CAMTA1: variants seen among roughly 807,000 people sequenced by gnomAD.
CAMTA1 encodes the protein calmodulin binding transcription activator 1, also known as calmodulin-binding transcription activator 1.
Under a neutral mutation model 170.9 loss-of-function variants are expected in CAMTA1, and 27 were observed. The ratio of observed to expected loss-of-function variants is 0.16; its 90% CI spans 0.12 to 0.22. The LOEUF is 0.22. CAMTA1 is among the 10% of genes least tolerant of loss of function. CAMTA1 has a pLI of 1.00. For missense variants in CAMTA1, 1,619 were observed against 2,217.2 expected (o/e 0.73, Z 5.42); for synonymous variants, 833 against 891.5 (o/e 0.93, Z 1.17).
At chr1:7,327,703 G>A (rs1416920928) in intron 5 of CAMTA1, among the ~76,000 whole-genome samples, 1 of 151,960 alleles carries the variant, frequency 6.6e-6, no homozygotes, top group Admixed American at 6.6e-5. Flanking sequence ...ATGGGAGGAG[G>A]GACTGTTTAT....
chr1:7,440,450 C>T (rs971755802), intron 5 of CAMTA1, among the ~76,000 whole-genome samples: 5 of 152,244 alleles, frequency 3.3e-5, no homozygotes, highest in African/African-American at 1.2e-4. Context: ...TTCCACGGCA[C>T]CGGCTGAACC....
Position 7,737,270 on chromosome 1 carries a change from C to T in CAMTA1, c.3358C>T (p.Leu1120=), listed in dbSNP as rs1313220057. The part of the protein sequence containing the change: ...SCTPLMWACA[L]GHLEAAVVLY... ...TGTCTTCTAGATGTGGGCGTGTGCC[C>T]TAGGGCACTTGGAAGCTGCCGTCGT... Residue 1120 remains leucine (L), a synonymous_variant, in exon 15 of 23, where the codon CTA becomes TTA. Coordinates refer to ENST00000303635, the MANE Select transcript of CAMTA1 (RefSeq NM_015215.4). 1.2e-6 allele frequency: 2 copies of T among 1,613,848 alleles called. No homozygotes were observed. The highest frequency in any genetic ancestry group is 1.1e-5 in the South Asian group (1 of 91,076).
At chr1:7,253,825 A>G (rs1666966448) in intron 5 of CAMTA1, among the ~76,000 whole-genome samples, 1 of 152,058 alleles carries the variant, frequency 6.6e-6, no homozygotes, top group African/African-American at 2.4e-5. Flanking sequence ...TGAAGTCAGC[A>G]CCTATTTATT....
intron 3 of CAMTA1, among the ~76,000 whole-genome samples, chr1:7,085,608 TG>T (rs1277894386): frequency 6.6e-6 from 1 of 152,212 alleles, no homozygotes. Flanking sequence ...GAGACTCCCC[TG>T]GGAGGGGCTG....
intron 5 of CAMTA1, among the ~76,000 whole-genome samples, chr1:7,344,662 T>C (rs1190204146): frequency 6.6e-6 from 1 of 152,072 alleles, no homozygotes; most frequent in Admixed American, 6.5e-5. Flanking sequence ...ACCCTGGCCC[T>C]CACCAGCATT....
Position 7,547,447 on chromosome 1 carries a change from C to T in CAMTA1, c.510+79546C>T, listed in dbSNP as rs2094712275. Among the ~76,000 whole-genome samples, 1 of 151,608 alleles carries T rather than the reference C, an allele frequency of 6.6e-6. No homozygotes were observed. Among genetic ancestry groups the T allele is most frequent in the African/African-American group, 2.4e-5 (1 of 41,228 alleles). On this transcript the variant is annotated intron_variant, in intron 6 of 22. Coordinates refer to ENST00000303635, the MANE Select transcript of CAMTA1 (RefSeq NM_015215.4). This position sits in a 1 kb window ranked among gnomAD's most constrained non-coding sequence, Gnocchi z 5.7. The stretch of plus-strand genomic sequence containing the variant: ...TCCGTGGATTCAACCAACAACGGGC[C>T]AAAAATATCCAGGAAAAAAATTGCA...
intron 3 of CAMTA1, among the ~76,000 whole-genome samples, chr1:7,031,282 G>A (rs1246350595): frequency 6.6e-6 from 1 of 151,946 alleles, no homozygotes; most frequent in East Asian, 1.9e-4. Flanking sequence ...TGACTGTTAT[G>A]TCCTCATGAC....
rs1055557738 is a variant in CAMTA1 at position 6,812,429 on chromosome 1, C to T, written c.46-7752C>T. On this transcript the variant is annotated intron_variant, in intron 1 of 22. Coordinates refer to ENST00000303635, the MANE Select transcript of CAMTA1 (RefSeq NM_015215.4). ...ACGTACATAATATTGAATAGAATGC[C>T]TAGTTTGTTGGGTTGATTTTGTTGA... 9.2e-5 allele frequency among the ~76,000 whole-genome samples: 14 copies of T among 152,098 alleles called. 1 individual carries two copies. Among genetic ancestry groups the T allele is most frequent in the African/African-American group, 2.9e-4 (12 of 41,392 alleles).
intron 6 of CAMTA1, among the ~76,000 whole-genome samples, chr1:7,632,684 A>T (rs2095679515): frequency 6.6e-6 from 1 of 152,198 alleles, no homozygotes; most frequent in African/African-American, 2.4e-5. Flanking sequence ...GGGCGGTGGG[A>T]CCCTGCTGCC....
chr1:7,474,720 C>T (rs979981819), intron 6 of CAMTA1, among the ~76,000 whole-genome samples: 6 of 152,206 alleles, frequency 3.9e-5, no homozygotes, highest in Admixed American at 1.3e-4. Context: ...TTCTGCAGCC[C>T]GGACAGAGAA....
chr1:7,512,461 C>T (rs147643654), intron 6 of CAMTA1, among the ~76,000 whole-genome samples: 11 of 152,304 alleles, frequency 7.2e-5, no homozygotes, highest in African/African-American at 2.4e-4. Flanking sequence ...CTGGGAATCT[C>T]AGCGGCTGAC....
chr1:7,589,803 C>G (rs1263696603), intron 6 of CAMTA1, among the ~76,000 whole-genome samples: 1 of 152,192 alleles, frequency 6.6e-6, no homozygotes, highest in African/African-American at 2.4e-5. Context: ...TCATCCTCCA[C>G]TTGTAAATTT....
At chr1:7,759,333 C>T (rs1327027225) in intron 22 of CAMTA1, among the ~76,000 whole-genome samples, 4 of 152,098 alleles carry the variant, frequency 2.6e-5, no homozygotes, top group Non-Finnish European at 5.9e-5. Context: ...TCAGAAAATA[C>T]CACTTGTGTC....
rs541469404 is a variant in CAMTA1, at chr1:7,098,145, G to A, written c.302+6774G>A. Among the ~76,000 whole-genome samples, 119 of 152,268 alleles carry A rather than the reference G, an allele frequency of 7.8e-4. 1 individual carries two copies. Among genetic ancestry groups the A allele is most frequent in the African/African-American group, 2.8e-3 (115 of 41,564 alleles). On this transcript the variant is annotated intron_variant, in intron 4 of 22. Coordinates refer to ENST00000303635, the MANE Select transcript of CAMTA1 (RefSeq NM_015215.4). Reference sequence around the variant, plus strand: ...TGCACGTGCGCGTGCGTGCGCATGCGTGTGTGTGCATGTGCAGGGGGTGCT... The same window carrying A: ...TGCACGTGCGCGTGCGTGCGCATGCATGTGTGTGCATGTGCAGGGGGTGCT...
intron 3 of CAMTA1, among the ~76,000 whole-genome samples, chr1:6,930,777 T>C (rs998530695): frequency 1.3e-5 from 2 of 152,198 alleles, no homozygotes; most frequent in African/African-American, 4.8e-5. Flanking sequence ...AAAATGCTCA[T>C]TGGCTCTGCA....
chr1:7,209,134 T>A (rs779287176), intron 4 of CAMTA1, among the ~76,000 whole-genome samples: 17 of 152,230 alleles, frequency 1.1e-4, no homozygotes, highest in Non-Finnish European at 2.2e-4. Context: ...ACCCTTGTCC[T>A]TAATAATTGC....
At position 7,435,672 on chromosome 1, in the gene CAMTA1, G is replaced by A. The variant is rs2092324143; in HGVS notation, c.439-32158G>A. Among the ~76,000 whole-genome samples the A allele has an allele frequency of 6.6e-6, 1 of 152,166 alleles. No homozygotes were observed. Among genetic ancestry groups the A allele is most frequent in the Non-Finnish European group, 1.5e-5 (1 of 68,038 alleles). On this transcript the variant is annotated intron_variant, in intron 5 of 22. Transcript: ENST00000303635. The surrounding 1 kb of genome is among the most constrained non-coding windows in gnomAD (Gnocchi z 4.4). ...GGCAGCCTCCTTCTGACCAGGCAAG[G>A]GCTGGCCGCCGTTCTCATGGCTGAA...
At chr1:7,237,761 C>T (rs1408857530) in intron 4 of CAMTA1, among the ~76,000 whole-genome samples, 1 of 152,192 alleles carries the variant, frequency 6.6e-6, no homozygotes, top group African/African-American at 2.4e-5. Flanking sequence ...GCTGGCCTCT[C>T]CCATGGGTGG....
rs146654528 is a variant in CAMTA1, at chr1:7,091,339, C to T, written c.270C>T (p.His90=). 170 of 1,612,832 alleles carry T rather than the reference C, an allele frequency of 1.1e-4. No homozygotes were observed. In the African/African-American group the frequency reaches 1.8e-3, roughly 17 times the overall value. Residue 90 remains histidine, a synonymous_variant, in exon 4 of 23, where the codon CAC becomes CAT. Transcript: ENST00000303635. The stretch of plus-strand genomic sequence containing the variant: ...CTTATTTAATAACATTTGAGAAACA[C>T]GAAGAATGGCTAACCACCTCCCCTA... ...IAAYLITFEK[H]EEWLTTSPKT...
Sources: gnomAD v4.1 joint callset for allele counts (sites outside exome capture counted in the v4.1 genomes callset) on GRCh38, gnomAD v4.1.1 for gene constraint, Gnocchi (gnomAD v3.1) non-coding constraint, MANE v1.5 for transcripts, NCBI Gene and HGNC (gene_info 2026-07-23, HGNC 2026-07-21) for gene names.